The following C1orf35 variants were observed in gnomAD, a reference collection of about 807,000 sequenced individuals.
C1orf35 encodes multiple myeloma tumor-associated protein 2.
In C1orf35, 36 loss-of-function variants were observed where a neutral mutation model predicts 30.9. That is an observed-to-expected ratio of 1.16 (90% confidence interval 0.89 to 1.54). C1orf35 has a LOEUF of 1.54. Among genes scored for constraint, C1orf35 ranks in the 40% most tolerant of loss-of-function variants. The probability of loss-of-function intolerance (pLI) is 0.00; values close to 1 mark genes in which losing one functional copy is unlikely to be tolerated. For synonymous variants in C1orf35, 179 were observed against 148.2 expected (o/e 1.21, Z -1.51); for missense variants, 396 against 358.7 (o/e 1.10, Z -0.84).
chr1:228,102,080 C>A lies in C1orf35; in HGVS notation c.533G>T (p.Ser178Ile). ...KPRAEDQTES[S>I]CESHRKSKKE... ...GCTAGCCCAGGTGGCACAGCCTCAC[C>A]TGCTTTCCGTCTGATCCTCCGCCCG... Residue 178 changes from serine (S) to isoleucine (I), a missense_variant and splice_region_variant, in exon 6 of 8, where the codon AGT (serine) becomes ATT (isoleucine). Physicochemically the swap from Ser to Ile is moderately radical, Grantham distance 142 (BLOSUM62 -2). Transcript: ENST00000272139. 6.3e-7 allele frequency: 1 copy of A among 1,577,598 alleles called. No individual in the cohort carries two copies. The highest frequency in any genetic ancestry group is 8.6e-7 in the Non-Finnish European group (1 of 1,169,568).
In C1orf35 at chr1:228,101,284, G is replaced by A. The variant is rs748487467; in HGVS notation, c.669-30C>T. On this transcript the variant is annotated intron_variant, in intron 7 of 7. Transcript: ENST00000272139. ...GGAGACCAATGGCAGTCAGTCACTC[G>A]GAAGGAGTCAACCAGGCCCCCACCC... 55 of 1,614,014 alleles carry A rather than the reference G, an allele frequency of 3.4e-5. No homozygotes were observed. The Admixed American group carries it at 3.7e-4, about 11-fold the overall frequency.
At chr1:228,101,677 C>T (rs896588428) in intron 6 of C1orf35, 1 of 1,438,680 alleles carries the variant, frequency 7.0e-7, no homozygotes, top group African/African-American at 1.4e-5. Flanking sequence ...ATCCCCATCT[C>T]CACAGCACGC....
chr1:228,103,083 C>G, intron 1 of C1orf35, 34 bp from the exon 2 acceptor site: 1 of 1,605,686 alleles, frequency 6.2e-7, no homozygotes, highest in Non-Finnish European at 8.5e-7. Flanking sequence ...CCAGCGCCCG[C>G]CCGGGATCCC....
In C1orf35 at chr1:228,101,177, CTGTCCCCACTG is replaced by C; in HGVS notation, c.735_745del (p.His245GlnfsTer10). On this transcript the variant is annotated frameshift_variant, in exon 8 of 8. Coordinates refer to ENST00000272139, the MANE Select transcript of C1orf35 (RefSeq NM_024319.4). LOFTEE classifies it high-confidence loss of function. ...ATGCCACCTGCGAGACGGGCTCCTC[CTGTCCCCACTG>C]TGTCCCCGCTTCCTCCTCTTACAGC... 6.2e-7 allele frequency: 1 copy of C among 1,614,152 alleles called. No homozygotes were observed. The highest frequency in any genetic ancestry group is 1.7e-4 in the Middle Eastern group (1 of 6,046).
At position 228,102,552 on chromosome 1, in the gene C1orf35, C is replaced by G; in HGVS notation, c.300G>C (p.Ala100=). ...CGCCTCCTTCCCGCTTGCAGACCTC[C>G]GCGAAGTCCTGCAGGTGCGAGAGCA... ...QPTGLSKEDF[A]EVCKREGGDP... Residue 100 remains alanine, a synonymous_variant, in exon 4 of 8, where the codon GCG becomes GCC. Coordinates refer to ENST00000272139, the MANE Select transcript of C1orf35 (RefSeq NM_024319.4). The G allele has an allele frequency of 1.3e-6, 2 of 1,562,180 alleles. No individual in the cohort carries two copies. Among genetic ancestry groups the G allele is most frequent in the Non-Finnish European group, 1.7e-6 (2 of 1,156,826 alleles).
chr1:228,101,381 C>T lies in C1orf35; in HGVS notation c.626G>A (p.Arg209Lys), dbSNP rs2032941297. 1 of 1,614,014 alleles carries T rather than the reference C, an allele frequency of 6.2e-7. No individual in the cohort carries two copies. The highest frequency in any genetic ancestry group is 1.1e-5 in the South Asian group (1 of 91,088). ...AGAGGAGGTGGCCTCAGCTGGCCGC[C>T]TGTGCTCTTTGTCTTTCTTCTTCTT... ...KEKKKKDKEH[R>K]RPAEATSSPT... Residue 209 changes from arginine to lysine, a missense_variant, in exon 7 of 8, where the codon AGG becomes AAG. By Grantham distance (26) the Arg-to-Lys change is conservative (BLOSUM62 2). Coordinates refer to ENST00000272139, the MANE Select transcript of C1orf35 (RefSeq NM_024319.4).
In C1orf35 at chr1:228,102,904, G is replaced by C; in HGVS notation, c.240C>G (p.Ala80=). Residue 80 remains alanine (A), a synonymous_variant, in exon 2 of 8, where the codon GCC becomes GCG. Transcript: ENST00000272139. ...TGCCGTCCGCGGACACTCACAGGGCGGCCAGCAGCGCCTCGCGCTCCGCCT... is the reference window on the plus strand; with the variant it reads ...TGCCGTCCGCGGACACTCACAGGGCCGCCAGCAGCGCCTCGCGCTCCGCCT... ...VREAEREALL[A]ALGYKNVKKQ... is the part of the protein sequence containing the mutation. 1 of 1,473,400 alleles carries C rather than the reference G, an allele frequency of 6.8e-7. No individual in the cohort carries two copies. The highest frequency in any genetic ancestry group is 2.3e-4 in the Middle Eastern group (1 of 4,392). The allele number at this position is 1,473,400 out of a possible 1,614,324, so 91.3% of individuals were successfully genotyped here.
rs1480071423 is a variant in C1orf35, at chr1:228,103,017, G to A, written c.127C>T (p.Gln43Ter). 1.9e-6 allele frequency: 3 copies of A among 1,581,668 alleles called. No homozygotes were observed. The highest frequency in any genetic ancestry group is 4.6e-5 in the East Asian group (2 of 43,050). Residue 43 changes from glutamine to a stop codon, truncating the protein, a stop_gained, in exon 2 of 8, where the codon CAG becomes TAG. Transcript: ENST00000272139. LOFTEE classifies it high-confidence loss of function. ...TACCAGGTGAGGTCGCGGCCCTTCT[G>A]CCAGCGGCCTACCGGCGCCATCAGC... ...NSLMAPVGRW[Q>*]KGRDLTWYAK... is the part of the protein sequence containing the mutation.
chr1:228,102,093 G>A lies in C1orf35; in HGVS notation c.520C>T (p.Gln174Ter). 1 of 1,581,314 alleles carries A rather than the reference G, an allele frequency of 6.3e-7. No individual in the cohort carries two copies. The highest frequency in any genetic ancestry group is 8.5e-7 in the Non-Finnish European group (1 of 1,171,706). ...SARRKPRAED[Q>*]TESSCESHRK... Reference sequence around the variant, plus strand: ...GCACAGCCTCACCTGCTTTCCGTCTGATCCTCCGCCCGCGGCTTCCTCCTG... The same window carrying A: ...GCACAGCCTCACCTGCTTTCCGTCTAATCCTCCGCCCGCGGCTTCCTCCTG... The change falls in exon 6 of 8, where the codon CAG (glutamine) becomes TAG (stop). Residue 174 changes from glutamine (Q) to a stop codon, truncating the protein, a stop_gained. Coordinates refer to ENST00000272139, the MANE Select transcript of C1orf35 (RefSeq NM_024319.4). LOFTEE classifies it high-confidence loss of function.
At chr1:228,102,858 G>A in intron 2 of C1orf35, 41 bp downstream of exon 2, 4 of 1,239,062 alleles carry the variant, frequency 3.2e-6, no homozygotes, top group Non-Finnish European at 4.0e-6. Context: ...CCCCGGCAGC[G>A]CCGTCCCAGG....
chr1:228,102,162 G>T lies in C1orf35; in HGVS notation c.451C>A (p.His151Asn). 6.3e-7 allele frequency: 1 copy of T among 1,581,580 alleles called. No homozygotes were observed. The highest frequency in any genetic ancestry group is 8.5e-7 in the Non-Finnish European group (1 of 1,170,924). ...AKLGLSVFTH[H>N]RVESGGPGTS... Reference sequence around the variant, plus strand: ...CCGGGCCCGCCGCTCTCTACGCGGTGATGCTGCGGGAGAAGCGAGCTCTGC... The same window carrying T: ...CCGGGCCCGCCGCTCTCTACGCGGTTATGCTGCGGGAGAAGCGAGCTCTGC... The change falls in exon 6 of 8, where the codon CAC becomes AAC. Residue 151 changes from histidine to asparagine, a missense_variant. Physicochemically the swap from His to Asn is moderately conservative, Grantham distance 68. Transcript: ENST00000272139.
chr1:228,100,959 G>A lies in C1orf35; in HGVS notation c.*172C>T. 1.0e-6 allele frequency: 1 copy of A among 999,430 alleles called. No individual in the cohort carries two copies. The highest frequency in any genetic ancestry group is 1.4e-6 in the Non-Finnish European group (1 of 691,714). The allele number at this position is 999,430 out of a possible 1,614,324, so 61.9% of individuals were successfully genotyped here. A position where few individuals can be genotyped will look rare whatever the true frequency, so the allele number is the denominator to read the frequency against. Reference sequence around the variant, plus strand: ...AACCTGGAGGTTTTCCAGGAAGCCGGCTGCTCCAGAGCTAGCTGTCAAGTC... The same window carrying A: ...AACCTGGAGGTTTTCCAGGAAGCCGACTGCTCCAGAGCTAGCTGTCAAGTC... On this transcript the variant is annotated 3_prime_UTR_variant, in exon 8 of 8. Coordinates refer to ENST00000272139, the MANE Select transcript of C1orf35 (RefSeq NM_024319.4).
chr1:228,103,280 A>T lies in C1orf35; in HGVS notation c.-53T>A, dbSNP rs916482227. 4 of 1,589,006 alleles carry T rather than the reference A, an allele frequency of 2.5e-6. No individual in the cohort carries two copies. The African/African-American group carries it at 5.4e-5, about 22-fold the overall frequency. ...CTGCGGCTTGCAACCTGCAACCCGC[A>T]ACCCGAGACCCGCTACCCACTACCG... is the stretch of plus-strand genomic sequence containing the variant. On this transcript the variant is annotated 5_prime_UTR_variant, in exon 1 of 8. Coordinates refer to ENST00000272139, the MANE Select transcript of C1orf35 (RefSeq NM_024319.4).
Position 228,103,211 on chromosome 1 carries a change from C to T in C1orf35, c.17G>A (p.Arg6His), listed in dbSNP as rs747990061. 1 of 1,610,318 alleles carries T rather than the reference C, an allele frequency of 6.2e-7. No homozygotes were observed. The highest frequency in any genetic ancestry group is 8.5e-7 in the Non-Finnish European group (1 of 1,179,122). ...GTCCTGCCCGCCGCGCACGCCTCCA[C>T]GACTGGAGCCGAACATGGCGCCGGG... MFGSS[R>H]GGVRGGQDQF... Residue 6 changes from arginine to histidine, a missense_variant, in exon 1 of 8, where the codon CGT (arginine) becomes CAT (histidine). By Grantham distance (29) the Arg-to-His change is conservative. Transcript: ENST00000272139.
At position 228,100,908 on chromosome 1, in the gene C1orf35, A is replaced by G; in HGVS notation, c.*223T>C. 1.6e-6 allele frequency: 1 copy of G among 640,788 alleles called. No individual in the cohort carries two copies. The highest frequency in any genetic ancestry group is 2.6e-6 in the Non-Finnish European group (1 of 377,876). The allele number at this position is 640,788 out of a possible 1,614,324, so 39.7% of individuals were successfully genotyped here. ...TGGGCAGGTTCACCTTCGCAGGCCA[A>G]GCCAGGGGCCATCCCTGGTATGCGA... On this transcript the variant is annotated 3_prime_UTR_variant, in exon 8 of 8. Transcript: ENST00000272139.
In C1orf35 at chr1:228,102,500, G is replaced by T. The variant is rs368673303; in HGVS notation, c.352C>A (p.Leu118Met). The part of the protein sequence containing the change: ...GDPEEKGVDR[L>M]LGLGSASGSV... ...CACCTTGCGCTCCCCAGCCCCAGCA[G>T]CCGGTCCACGCCCTTCTCCTCGGGG... is the stretch of plus-strand genomic sequence containing the variant. The change falls in exon 4 of 8, where the codon CTG becomes ATG. Residue 118 changes from leucine (L) to methionine (M), a missense_variant. By Grantham distance (15) the Leu-to-Met change is conservative (BLOSUM62 2). Transcript: ENST00000272139. The T allele has an allele frequency of 1.3e-6, 2 of 1,558,140 alleles. No homozygotes were observed.
Position 228,103,287 on chromosome 1 carries a change from G to A in C1orf35, c.-60C>T, listed in dbSNP as rs571684864. On this transcript the variant is annotated 5_prime_UTR_variant, in exon 1 of 8. Coordinates refer to ENST00000272139, the MANE Select transcript of C1orf35 (RefSeq NM_024319.4). ...TTGCAACCTGCAACCCGCAACCCGA[G>A]ACCCGCTACCCACTACCGTCGGACC... 16 of 1,578,304 alleles carry A rather than the reference G, an allele frequency of 1.0e-5. No homozygotes were observed. In the South Asian group the frequency reaches 1.1e-4, roughly 11 times the overall value.
At chr1:228,102,721 A>G in intron 2 of C1orf35, 33 bp from the exon 3 acceptor site, 3 of 1,594,546 alleles carry the variant, frequency 1.9e-6, no homozygotes, top group Non-Finnish European at 2.6e-6. Flanking sequence ...GTCAGGACGG[A>G]CGGACCTCCT....
At position 228,102,532 on chromosome 1, in the gene C1orf35, C is replaced by G. The variant is rs1328581728; in HGVS notation, c.320G>C (p.Gly107Ala). Residue 107 changes from glycine (G) to alanine (A), a missense_variant, in exon 4 of 8, where the codon GGA becomes GCA. Physicochemically the swap from Gly to Ala is moderately conservative, Grantham distance 60. Transcript: ENST00000272139. The stretch of plus-strand genomic sequence containing the variant: ...CACGCCCTTCTCCTCGGGGTCGCCT[C>G]CTTCCCGCTTGCAGACCTCCGCGAA... The part of the protein sequence containing the change: ...EDFAEVCKRE[G>A]GDPEEKGVDR... The G allele has an allele frequency of 1.3e-6, 2 of 1,558,302 alleles. No homozygotes were observed. Among genetic ancestry groups the G allele is most frequent in the Admixed American group, 3.8e-5 (2 of 52,864 alleles).
Sources: allele counts gnomAD v4.1 joint callset, GRCh38; gene constraint gnomAD v4.1.1; transcripts MANE v1.5; gene names NCBI Gene and HGNC (gene_info 2026-07-23, HGNC 2026-07-21).